Variants in PHACTR2 observed in about 807,000 individuals in gnomAD.
The protein encoded by PHACTR2 is phosphatase and actin regulator 2, also known as chromosome 6 open reading frame 56.
PHACTR2 carries 30 observed loss-of-function variants against 76.0 expected under a neutral mutation model. That is an observed-to-expected ratio of 0.39 (90% CI 0.30 to 0.54). The LOEUF (loss-of-function observed/expected upper bound fraction) is 0.54. Ranked by LOEUF, PHACTR2 falls within the 20% of genes least tolerant of loss-of-function variation. The pLI is 0.61. For synonymous variants in PHACTR2, 292 were observed against 292.5 expected, an observed-to-expected ratio of 1.00 and a Z score of 0.02; for missense variants, 696 against 781.1, an observed-to-expected ratio of 0.89 and a Z score of 1.30.
At chr6:143,797,209 A>G (rs1051509768) in intron 11 of PHACTR2, among the ~76,000 whole-genome samples, 2 of 152,174 alleles carry the variant, frequency 1.3e-5, no homozygotes, top group African/African-American at 4.8e-5. Flanking sequence ...AAATGTCTTC[A>G]TTTGAGAAGT....
chr6:143,678,362 T>C lies in PHACTR2; in HGVS notation c.46+153T>C, dbSNP rs1365662825. 1.3e-5 allele frequency among the ~76,000 whole-genome samples: 2 copies of C among 152,156 alleles called. No individual in the cohort carries two copies. The highest frequency in any genetic ancestry group is 2.9e-5 in the Non-Finnish European group (2 of 68,018). On this transcript the variant is annotated intron_variant, in intron 1 of 12. Transcript: ENST00000440869. The surrounding 1 kb of genome is among the most constrained non-coding windows in gnomAD (Gnocchi z 6.2). ...CCCAGAGGTAGCGCTCGCCAAACTC[T>C]TTGTCGTGAAAGAGGAATGCCTTTT...
chr6:143,567,601 A>T (rs1775381387), intron 1 of PHACTR2, among the ~76,000 whole-genome samples: 1 of 152,092 alleles, frequency 6.6e-6, no homozygotes, highest in East Asian at 1.9e-4. Context: ...GTTTCACCAT[A>T]TTGGTCAGGC....
chr6:143,820,631 C>G lies in PHACTR2; in HGVS notation c.1923-3043C>G, dbSNP rs4896673. On this transcript the variant is annotated intron_variant, in intron 12 of 12. Transcript: ENST00000440869. This position sits in a 1 kb window ranked among gnomAD's most constrained non-coding sequence, Gnocchi z 4.2. ...AGGTGCAGCCCCCAGGCTGATCTCA[C>G]AGGCTGGCGTTGAATGTCTGTGGCT... Among the ~76,000 whole-genome samples the G allele has an allele frequency of 5.9e-5, 9 of 152,124 alleles. No individual in the cohort carries two copies. Among genetic ancestry groups the G allele is most frequent in the Admixed American group, 3.3e-4 (5 of 15,276 alleles).
intron 1 of PHACTR2, among the ~76,000 whole-genome samples, chr6:143,626,420 C>G (rs544636919): frequency 6.6e-6 from 1 of 151,768 alleles, no homozygotes; most frequent in Non-Finnish European, 1.5e-5. Flanking sequence ...GCCTTTAGTC[C>G]CAGGTACTCC....
intron 1 of PHACTR2, among the ~76,000 whole-genome samples, chr6:143,694,092 G>A (rs1777714709): frequency 6.9e-6 from 1 of 145,976 alleles, no homozygotes; most frequent in Admixed American, 7.0e-5. Flanking sequence ...GAAGGAAGGA[G>A]GGAAAGAAGG....
rs1356549995 is a variant in PHACTR2, at chr6:143,663,881, G to T, written c.14-48135G>T. Among the ~76,000 whole-genome samples, 2 of 152,016 alleles carry T rather than the reference G, an allele frequency of 1.3e-5. No individual in the cohort carries two copies. Among genetic ancestry groups the T allele is most frequent in the African/African-American group, 4.8e-5 (2 of 41,390 alleles). Reference sequence around the variant, plus strand: ...ATCAATGTACAGTTGCCATTTTCTTGAGTACAAGTCTCTACACGTTTGTGT... The same window carrying T: ...ATCAATGTACAGTTGCCATTTTCTTTAGTACAAGTCTCTACACGTTTGTGT... On this transcript the variant is annotated intron_variant, in intron 1 of 11. Transcript: ENST00000305766. This position sits in a 1 kb window ranked among gnomAD's most constrained non-coding sequence, Gnocchi z 4.1.
chr6:143,786,832 G>A (rs1775566862), intron 10 of PHACTR2, among the ~76,000 whole-genome samples: 2 of 152,076 alleles, frequency 1.3e-5, no homozygotes, highest in Non-Finnish European at 2.9e-5. Flanking sequence ...CCTCCCCCTG[G>A]GTCCCTCCCA....
chr6:143,619,959 T>TG lies in PHACTR2; in HGVS notation c.13+11643dup, dbSNP rs536460975. ...ACAGAACATGTCACTCGGTCGGGGG[T>TG]GGGGGGTCAGTTCATTTGTTCAAAC... On this transcript the variant is annotated intron_variant, in intron 1 of 11. Coordinates refer to the PHACTR2 transcript ENST00000305766. The surrounding 1 kb of genome is among the most constrained non-coding windows in gnomAD (Gnocchi z 4.5). Among the ~76,000 whole-genome samples the TG allele has an allele frequency of 6.4e-5, 6 of 93,242 alleles. No homozygotes were observed. The South Asian group carries it at 1.4e-3, about 22-fold the overall frequency. 61.2% of individuals were successfully genotyped at this position (93,242 alleles called of 152,430 possible).
In PHACTR2 at chr6:143,775,750, T is replaced by C. The variant is rs1775258688; in HGVS notation, c.1589+1535T>C. ...GAATAATATTTGCATAAAATAATAA[T>C]AGTGTTATCATAGTAAGGAGTAAAA... On this transcript the variant is annotated intron_variant, in intron 8 of 12. Transcript: ENST00000440869. The surrounding 1 kb of genome is among the most constrained non-coding windows in gnomAD (Gnocchi z 4.4). Among the ~76,000 whole-genome samples, 1 of 152,222 alleles carries C rather than the reference T, an allele frequency of 6.6e-6. No individual in the cohort carries two copies. The highest frequency in any genetic ancestry group is 2.1e-4 in the South Asian group (1 of 4,834).
chr6:143,601,443 T>G (rs908440065), intron 1 of PHACTR2, among the ~76,000 whole-genome samples: 1 of 152,218 alleles, frequency 6.6e-6, no homozygotes, highest in Non-Finnish European at 1.5e-5. Flanking sequence ...CTTGCAGGTT[T>G]TTTTAGGAGT....
intron 1 of PHACTR2, among the ~76,000 whole-genome samples, chr6:143,574,630 T>A (rs1019285739): frequency 2.0e-5 from 3 of 152,102 alleles, no homozygotes; most frequent in Non-Finnish European, 4.4e-5. Context: ...CAAATACTGG[T>A]AAAATGATTC....
Position 143,626,169 on chromosome 6 carries a change from G to A in PHACTR2, c.13+17847G>A, listed in dbSNP as rs115473052. Reference sequence around the variant, plus strand: ...TTTTACCTTGTTTTGTGTGACAACAGAATGAAGGCACATAATTACACCGAC... The same window carrying A: ...TTTTACCTTGTTTTGTGTGACAACAAAATGAAGGCACATAATTACACCGAC... On this transcript the variant is annotated intron_variant, in intron 1 of 11. Transcript: ENST00000305766. Among the ~76,000 whole-genome samples the A allele has an allele frequency of 7.1e-3, 1,085 of 152,250 alleles. 12 individuals carry two copies. The highest frequency in any genetic ancestry group is 0.024 in the African/African-American group (1,009 of 41,530).
intron 1 of PHACTR2, among the ~76,000 whole-genome samples, chr6:143,542,100 C>T (rs1467196778): frequency 6.6e-6 from 1 of 152,182 alleles, no homozygotes. Context: ...GCAAGGCCAC[C>T]CTGCCCAGGC....
At position 143,664,922 on chromosome 6, in the gene PHACTR2, C is replaced by T. The variant is rs1322445859; in HGVS notation, c.14-47094C>T. 6.6e-6 allele frequency among the ~76,000 whole-genome samples: 1 copy of T among 152,112 alleles called. No individual in the cohort carries two copies. Among genetic ancestry groups the T allele is most frequent in the Non-Finnish European group, 1.5e-5 (1 of 68,024 alleles). On this transcript the variant is annotated intron_variant, in intron 1 of 11. Transcript: ENST00000305766. This position sits in a 1 kb window ranked among gnomAD's most constrained non-coding sequence, Gnocchi z 5.1. ...CAAGTGATTCCCCTGACTCGGCCTC[C>T]CAAGTAGCTGGCATTACAGGCACCT...
Position 143,537,807 on chromosome 6 carries a change from T to A in PHACTR2, c.217+600T>A, listed in dbSNP as rs1037438336. Among the ~76,000 whole-genome samples the A allele has an allele frequency of 4.6e-5, 7 of 152,134 alleles. No homozygotes were observed. Among genetic ancestry groups the A allele is most frequent in the Admixed American group, 4.6e-4 (7 of 15,288 alleles). ...TGTTTGTGCCTCTCATCCTTTAACA[T>A]GTTTTGAAAAAGCCTCGGCCAGGAG... On this transcript the variant is annotated intron_variant, in intron 1 of 11. Transcript: ENST00000367584. The surrounding 1 kb of genome is among the most constrained non-coding windows in gnomAD (Gnocchi z 4.4).
intron 1 of PHACTR2, among the ~76,000 whole-genome samples, chr6:143,666,648 A>G (rs1207574928): frequency 6.6e-6 from 1 of 152,102 alleles, no homozygotes. Context: ...GTTTTCTTCC[A>G]TATGTTTGTT....
rs150802540 is a variant in PHACTR2, at chr6:143,748,129, G to A, written c.215-856G>A. On this transcript the variant is annotated intron_variant, in intron 2 of 12. Transcript: ENST00000440869. ...CGCCCAGGCTGGAGTGCAATGGCAC[G>A]ATCTTGGCTCACTGCAACTTCAGCC... 6.1e-3 allele frequency among the ~76,000 whole-genome samples: 934 copies of A among 151,968 alleles called. 6 individuals are homozygous for A. The highest frequency in any genetic ancestry group is 8.9e-3 in the Non-Finnish European group (604 of 67,996).
rs150438177 is a variant in PHACTR2, at chr6:143,547,922, T to C, written c.217+10715T>C. Among the ~76,000 whole-genome samples, 135 of 152,348 alleles carry C rather than the reference T, an allele frequency of 8.9e-4. No homozygotes were observed. The highest frequency in any genetic ancestry group is 3.1e-3 in the African/African-American group (128 of 41,580). On this transcript the variant is annotated intron_variant, in intron 1 of 11. Transcript: ENST00000367584. The surrounding 1 kb of genome is among the most constrained non-coding windows in gnomAD (Gnocchi z 4.2). ...TATCTATCTATCATCTATCTATCCA[T>C]CTATCCATTCATCATCCATCATCTA... is the stretch of plus-strand genomic sequence containing the variant.
In PHACTR2 at chr6:143,597,929, T is replaced by G. The variant is rs1310566241; in HGVS notation, c.217+60722T>G. ...TACCACCTGCCATATTTTCTACCTG[T>G]TACTCAGCACGCAAGACTTCAGGTG... is the stretch of plus-strand genomic sequence containing the variant. On this transcript the variant is annotated intron_variant, in intron 1 of 11. Coordinates refer to the PHACTR2 transcript ENST00000367584. This position sits in a 1 kb window ranked among gnomAD's most constrained non-coding sequence, Gnocchi z 5.7. 1.3e-5 allele frequency among the ~76,000 whole-genome samples: 2 copies of G among 152,210 alleles called. No individual in the cohort carries two copies. Among genetic ancestry groups the G allele is most frequent in the Non-Finnish European group, 1.5e-5 (1 of 68,032 alleles).
Sources: allele counts gnomAD v4.1 joint callset (sites outside exome capture counted in the v4.1 genomes callset), GRCh38; gene constraint gnomAD v4.1.1; non-coding constraint Gnocchi (gnomAD v3.1); transcripts MANE v1.5; gene names NCBI Gene and HGNC (gene_info 2026-07-23, HGNC 2026-07-21).